The following MAPRE2 variants were observed in gnomAD, a reference collection of about 807,000 sequenced individuals.
MAPRE2 encodes microtubule-associated protein RP/EB family member 2.
Under a neutral mutation model 43.2 loss-of-function variants are expected in MAPRE2, and 13 were observed. The observed-to-expected ratio is 0.30, with a 90% CI of 0.20 to 0.48. The LOEUF (loss-of-function observed/expected upper bound fraction) is 0.48, where lower values mean the gene tolerates loss of function less well. MAPRE2 is among the 20% of genes least tolerant of loss of function. MAPRE2 has a pLI of 0.99. For synonymous variants in MAPRE2, 135 were observed against 148.8 expected (o/e 0.91, Z 0.68); for missense variants, 161 against 400.2 (o/e 0.40, Z 5.10).
rs756448981 is a variant in MAPRE2, at chr18:35,041,708, G to C, written c.122+47G>C. 1.6e-5 allele frequency: 26 copies of C among 1,613,242 alleles called. No individual in the cohort carries two copies. The South Asian group carries it at 2.7e-4, about 17-fold the overall frequency. ...CAGCGCCGGGGACCGCCGTGAGGGC[G>C]CGCGGAAATCCAGCCCGTTATATAA... On this transcript the variant is annotated intron_variant, in intron 1 of 6. Transcript: ENST00000300249.
chr18:35,018,113 A>G lies in MAPRE2; in HGVS notation c.-8+12560A>G, dbSNP rs146160277. 9.9e-4 allele frequency among the ~76,000 whole-genome samples: 150 copies of G among 152,184 alleles called. No individual in the cohort carries two copies. The East Asian group carries it at 0.024, about 24-fold the overall frequency. Reference sequence around the variant, plus strand: ...TCTGTTTATGTGGTGAATCACATTTATTGACTTGCATATGTTGAATCAGCC... The same window carrying G: ...TCTGTTTATGTGGTGAATCACATTTGTTGACTTGCATATGTTGAATCAGCC... On this transcript the variant is annotated intron_variant, in intron 2 of 7. Coordinates refer to the MAPRE2 transcript ENST00000413393.
chr18:34,979,869 C>T (rs770131388), intron 1 of MAPRE2, among the ~76,000 whole-genome samples: 9 of 152,130 alleles, frequency 5.9e-5, no homozygotes, highest in African/African-American at 9.7e-5. Context: ...GTATCTTTAA[C>T]AGGTTATCTT....
intron 4 of MAPRE2, among the ~76,000 whole-genome samples, chr18:35,107,812 A>AT (rs1317030832): frequency 1.3e-5 from 2 of 151,670 alleles, no homozygotes; most frequent in African/African-American, 2.4e-5. Context: ...TATTTTATGG[A>AT]TTTTTTTGTT....
Position 34,984,960 on chromosome 18 carries a change from TAAAA to T in MAPRE2, c.-70+7882_-70+7885del, listed in dbSNP as rs36217451. Among the ~76,000 whole-genome samples the T allele has an allele frequency of 3.2e-3, 19 of 6,004 alleles. No homozygotes were observed. The East Asian group carries it at 0.061, about 19-fold the overall frequency. 3.9% of individuals were successfully genotyped at this position (6,004 alleles called of 152,430 possible). ...TATAATATATAAAATATATTATATA[TAAAA>T]TATATAATATATAAAATATATTATA... On this transcript the variant is annotated intron_variant, in intron 1 of 7. Transcript: ENST00000413393.
At chr18:35,137,207 T>C (rs1910429826) in intron 6 of MAPRE2, among the ~76,000 whole-genome samples, 1 of 152,132 alleles carries the variant, frequency 6.6e-6, no homozygotes. Context: ...TATTTCCCAG[T>C]GAGAGTTGTC....
At chr18:35,070,065 C>A in intron 1 of MAPRE2, 130 bp from the exon 2 acceptor site, 1 of 562,106 alleles carries the variant, frequency 1.8e-6, no homozygotes, top group Non-Finnish European at 3.0e-6. Context: ...GAAAAAGATG[C>A]TAAAGGGCTT....
Position 34,985,382 on chromosome 18 carries a change from TTA to T in MAPRE2, c.-70+8314_-70+8315del, listed in dbSNP as rs755822792. 4.5e-3 allele frequency among the ~76,000 whole-genome samples: 170 copies of T among 37,680 alleles called. 4 individuals carry two copies. Among genetic ancestry groups the T allele is most frequent in the South Asian group, 0.012 (16 of 1,292 alleles). 24.7% of individuals were successfully genotyped at this position (37,680 alleles called of 152,430 possible). On this transcript the variant is annotated intron_variant, in intron 1 of 7. Transcript: ENST00000413393. ...ATAATATAATATATAATATATTATTTTATATATATATAATATATAATATATTA... is the reference window on the plus strand; with the variant it reads ...ATAATATAATATATAATATATTATTTTATATATATAATATATAATATATTA...
chr18:35,055,573 G>GTC (rs918973887), intron 1 of MAPRE2, among the ~76,000 whole-genome samples: 1 of 150,412 alleles, frequency 6.6e-6, no homozygotes, highest in African/African-American at 2.5e-5. Flanking sequence ...GTATGTGTGT[G>GTC]TGTGTGTATA....
intron 5 of MAPRE2, among the ~76,000 whole-genome samples, chr18:35,129,678 A>G (rs1324294657): frequency 6.6e-6 from 1 of 152,202 alleles, no homozygotes; most frequent in East Asian, 1.9e-4. Context: ...GGGTGGGGCC[A>G]CGGATGGGTG....
At chr18:35,041,711 C>T (rs780282832) in intron 1 of MAPRE2, 50 bp downstream of exon 1, 3 of 1,613,048 alleles carry the variant, frequency 1.9e-6, no homozygotes, top group East Asian at 2.2e-5. Context: ...TGAGGGCGCG[C>T]GGAAATCCAG....
At chr18:35,107,950 A>G (rs1230403101) in intron 4 of MAPRE2, among the ~76,000 whole-genome samples, 2 of 151,460 alleles carry the variant, frequency 1.3e-5, no homozygotes, top group African/African-American at 4.9e-5. Context: ...CTAGATGTAT[A>G]TGTATTTATG....
intron 2 of MAPRE2, among the ~76,000 whole-genome samples, chr18:35,070,825 C>A (rs987473454): frequency 6.6e-6 from 1 of 152,194 alleles, no homozygotes; most frequent in Admixed American, 6.5e-5. Context: ...AGACTCTTTC[C>A]CTTTTGTATC....
In MAPRE2 at chr18:35,084,830, G is replaced by A. The variant is rs558683248; in HGVS notation, c.251-12616G>A. 2.0e-5 allele frequency among the ~76,000 whole-genome samples: 3 copies of A among 152,334 alleles called. No individual in the cohort carries two copies. The East Asian group carries it at 5.8e-4, about 29-fold the overall frequency. ...AGCAGGAAGCTCAGCTGAGGACCATGGGAATTCAAGGGAGCAATCTCAGTT... is the reference window on the plus strand; with the variant it reads ...AGCAGGAAGCTCAGCTGAGGACCATAGGAATTCAAGGGAGCAATCTCAGTT... On this transcript the variant is annotated intron_variant, in intron 2 of 6. Transcript: ENST00000300249.
At chr18:35,009,798 A>T (rs1208859893) in intron 2 of MAPRE2, among the ~76,000 whole-genome samples, 1 of 152,180 alleles carries the variant, frequency 6.6e-6, no homozygotes, top group Non-Finnish European at 1.5e-5. Context: ...GCTGGAAGGA[A>T]CCTCACTGAT....
chr18:35,013,082 G>T (rs2097035807), intron 2 of MAPRE2, among the ~76,000 whole-genome samples: 1 of 152,148 alleles, frequency 6.6e-6, no homozygotes, highest in African/African-American at 2.4e-5. Context: ...CACTAAAAAT[G>T]CCTATTGCTT....
chr18:35,133,733 G>A (rs1031490965), intron 6 of MAPRE2, among the ~76,000 whole-genome samples: 2 of 152,330 alleles, frequency 1.3e-5, no homozygotes, highest in Admixed American at 6.5e-5. Flanking sequence ...CAGGAGCACT[G>A]TCTGACAGTG....
intron 6 of MAPRE2, among the ~76,000 whole-genome samples, chr18:35,138,667 C>T (rs1183521951): frequency 2.6e-5 from 4 of 152,132 alleles, no homozygotes; most frequent in Non-Finnish European, 4.4e-5. Flanking sequence ...CTGTTGGATT[C>T]GAGGAGTCCT....
At chr18:35,125,745 C>T (rs1439245167) in intron 4 of MAPRE2, among the ~76,000 whole-genome samples, 2 of 152,204 alleles carry the variant, frequency 1.3e-5, no homozygotes, top group Non-Finnish European at 2.9e-5. Context: ...ATTCTTGTGT[C>T]TGCGCGTTGT....
intron 2 of MAPRE2, among the ~76,000 whole-genome samples, chr18:35,033,465 C>T (rs113796934): frequency 0.34 from 50,850 of 148,686 alleles, 10,020 homozygotes; most frequent in Non-Finnish European, 0.44. Flanking sequence ...ACAGGGATGC[C>T]CTCTCTCACC....
Sources: allele counts gnomAD v4.1 joint callset (sites outside exome capture counted in the v4.1 genomes callset), GRCh38; gene constraint gnomAD v4.1.1; transcripts MANE v1.5; gene names NCBI Gene and HGNC (gene_info 2026-07-23, HGNC 2026-07-21).